The following DBF4 variants were observed in gnomAD, a reference collection of about 807,000 sequenced individuals.
DBF4 encodes DBF4-CDC7 kinase regulatory subunit.
DBF4 carries 25 observed loss-of-function variants against 76.6 expected under a neutral mutation model. The observed-to-expected ratio is 0.33, with a 90% CI of 0.24 to 0.46. The LOEUF is 0.46. Among genes scored for constraint, DBF4 ranks in the 20% least tolerant of loss-of-function variants. DBF4 has a pLI of 1.00. For missense variants in DBF4, 638 were observed against 760.8 expected, an observed-to-expected ratio of 0.84 and a Z score of 1.90; for synonymous variants, 213 against 258.0, an observed-to-expected ratio of 0.83 and a Z score of 1.67.
At chr7:87,897,025 G>A (rs918415709) in intron 7 of DBF4, among the ~76,000 whole-genome samples, 16 of 152,150 alleles carry the variant, frequency 1.1e-4, no homozygotes, top group African/African-American at 3.6e-4. Context: ...AGACAATAGT[G>A]TAGTTTTTCT....
chr7:87,902,615 A>G (rs1839814735), intron 10 of DBF4, among the ~76,000 whole-genome samples: 1 of 152,226 alleles, frequency 6.6e-6, no homozygotes, highest in African/African-American at 2.4e-5. Flanking sequence ...ATTAAGACTT[A>G]TAAGGATGAG....
chr7:87,881,384 G>A (rs1333866734), intron 2 of DBF4, among the ~76,000 whole-genome samples: 2 of 152,210 alleles, frequency 1.3e-5, no homozygotes, highest in Admixed American at 6.5e-5. Flanking sequence ...CTCCACCTGG[G>A]CAACAGAGCG....
In DBF4 at chr7:87,901,173, G is replaced by T. The variant is rs542053028; in HGVS notation, c.924+295G>T. 2.6e-5 allele frequency among the ~76,000 whole-genome samples: 4 copies of T among 151,380 alleles called. No homozygotes were observed. The East Asian group carries it at 5.8e-4, about 22-fold the overall frequency. On this transcript the variant is annotated intron_variant, in intron 10 of 11. Transcript: ENST00000265728. Reference sequence around the variant, plus strand: ...GATAGGTAACCACAGGATAAAAGAAGAATAAAAATATAGAGAGAGAATATT... The same window carrying T: ...GATAGGTAACCACAGGATAAAAGAATAATAAAAATATAGAGAGAGAATATT...
intron 11 of DBF4, among the ~76,000 whole-genome samples, chr7:87,906,589 T>G (rs927919372): frequency 2.0e-5 from 3 of 152,114 alleles, no homozygotes; most frequent in African/African-American, 7.2e-5. Context: ...AGAAAATAAT[T>G]TTAGGTCAAA....
rs1261425903 is a variant in DBF4 at position 87,885,164 on chromosome 7, T to A, written c.399+6T>A. 1.3e-6 allele frequency: 2 copies of A among 1,594,980 alleles called. No individual in the cohort carries two copies. Among genetic ancestry groups the A allele is most frequent in the East Asian group, 2.2e-5 (1 of 44,590 alleles). ...CATTTAAGTCACCAGACACAGTAAGTCTCTTAAATATGCTTTGAGACTCAG... is the reference window on the plus strand; with the variant it reads ...CATTTAAGTCACCAGACACAGTAAGACTCTTAAATATGCTTTGAGACTCAG... On this transcript the variant is annotated splice_donor_region_variant and intron_variant, in intron 3 of 11. Coordinates refer to ENST00000265728, the MANE Select transcript of DBF4 (RefSeq NM_006716.4).
chr7:87,883,586 C>T (rs980687477), intron 2 of DBF4, among the ~76,000 whole-genome samples: 2 of 151,854 alleles, frequency 1.3e-5, no homozygotes, highest in African/African-American at 2.4e-5. Flanking sequence ...GAGTCTAATC[C>T]CTGGAATAAA....
chr7:87,907,139 G>C, intron 11 of DBF4, 49 bp from the exon 12 acceptor site: 4 of 1,445,160 alleles, frequency 2.8e-6, no homozygotes, highest in Middle Eastern at 2.6e-4. Context: ...TCAGGAATTT[G>C]TTTTGATAGC....
At chr7:87,890,946 G>C (rs113181589) in intron 6 of DBF4, among the ~76,000 whole-genome samples, 6 of 152,136 alleles carry the variant, frequency 3.9e-5, no homozygotes, top group Admixed American at 2.6e-4. Flanking sequence ...TTTTATTTTG[G>C]TATATAAGAA....
At chr7:87,887,308 A>G (rs1467802579) in intron 4 of DBF4, 21 bp from the exon 5 acceptor site, 6 of 1,470,556 alleles carry the variant, frequency 4.1e-6, no homozygotes, top group South Asian at 1.2e-5. Context: ...TAGAACAACC[A>G]TAAAACTTTT....
chr7:87,904,237 G>A lies in DBF4; in HGVS notation c.925-55G>A. ...ATGTTAGAAAACCTTAATTAAAAAG[G>A]CATCTCTTGATTTTAAATACAATTT... On this transcript the variant is annotated intron_variant, in intron 10 of 11. Coordinates refer to ENST00000265728, the MANE Select transcript of DBF4 (RefSeq NM_006716.4). 2.6e-6 allele frequency: 4 copies of A among 1,528,216 alleles called. No homozygotes were observed. In the Admixed American group the frequency reaches 6.7e-5, roughly 26 times the overall value. 94.7% of individuals were successfully genotyped at this position (1,528,216 alleles called of 1,614,324 possible).
intron 6 of DBF4, among the ~76,000 whole-genome samples, chr7:87,890,064 A>G (rs560724358): frequency 7.9e-5 from 12 of 152,340 alleles, no homozygotes; most frequent in Non-Finnish European, 1.6e-4. Context: ...GAATACACAA[A>G]TTATGTCTGT....
intron 3 of DBF4, among the ~76,000 whole-genome samples, chr7:87,885,396 T>C (rs534189024): frequency 6.6e-6 from 1 of 152,340 alleles, no homozygotes; most frequent in South Asian, 2.1e-4. Flanking sequence ...AGGGATGGCG[T>C]GTAGTTTTTA....
intron 11 of DBF4, among the ~76,000 whole-genome samples, chr7:87,905,719 AG>A (rs1290501126): frequency 1.3e-5 from 2 of 152,266 alleles, no homozygotes; most frequent in African/African-American, 4.8e-5. Context: ...TGTGATAACA[AG>A]ATACAGCTTC....
chr7:87,892,176 T>A (rs1282583311), intron 6 of DBF4, among the ~76,000 whole-genome samples: 6 of 152,222 alleles, frequency 3.9e-5, no homozygotes, highest in Admixed American at 1.3e-4. Context: ...ACAAGTATGA[T>A]TATGACGTGT....
At chr7:87,896,249 G>GT (rs1487326963) in intron 6 of DBF4, 27 of 387,332 alleles carry the variant, frequency 7.0e-5, no homozygotes, top group African/African-American at 5.2e-4. Context: ...TTCATTATTG[G>GT]TTTTCTTTTT....
chr7:87,897,213 T>C, intron 7 of DBF4, 81 bp from the exon 8 acceptor site: 1 of 1,374,252 alleles, frequency 7.3e-7, no homozygotes, highest in Non-Finnish European at 1.0e-6. Flanking sequence ...TGGAGGGTTT[T>C]GTTTTGCCAC....
intron 2 of DBF4, among the ~76,000 whole-genome samples, chr7:87,879,378 C>T (rs1259794726): frequency 6.6e-6 from 1 of 152,182 alleles, no homozygotes; most frequent in Non-Finnish European, 1.5e-5. Flanking sequence ...TAAACTAAAA[C>T]ACTGTCACAT....
intron 2 of DBF4, among the ~76,000 whole-genome samples, chr7:87,882,807 G>A (rs1482406168): frequency 1.3e-5 from 2 of 152,152 alleles, no homozygotes; most frequent in African/African-American, 4.8e-5. Flanking sequence ...AAAATAACAA[G>A]TGTTAACAAA....
intron 4 of DBF4, among the ~76,000 whole-genome samples, 154 bp downstream of exon 4, chr7:87,887,048 T>C (rs1839373011): frequency 6.6e-6 from 1 of 152,208 alleles, no homozygotes; most frequent in African/African-American, 2.4e-5. Context: ...GAACTTACTT[T>C]TCATGTAGAA....
Sources: allele counts gnomAD v4.1 joint callset (sites outside exome capture counted in the v4.1 genomes callset), GRCh38; gene constraint gnomAD v4.1.1; transcripts MANE v1.5; gene names NCBI Gene and HGNC (gene_info 2026-07-23, HGNC 2026-07-21).